Variants in VCAN observed in about 807,000 individuals in gnomAD.
VCAN encodes versican core protein.
In VCAN, 44 loss-of-function variants were observed where a neutral mutation model predicts 245.5. That is an observed-to-expected ratio of 0.18 (90% CI 0.14 to 0.23). The LOEUF (loss-of-function observed/expected upper bound fraction) is 0.23, where lower values mean the gene tolerates loss of function less well. Among genes scored for constraint, VCAN ranks in the 10% least tolerant of loss-of-function variants. The pLI, the probability that VCAN is intolerant of heterozygous loss-of-function variation, is 1.00. For synonymous variants in VCAN, 1,413 were observed against 1,437.0 expected, an observed-to-expected ratio of 0.98 and a Z score of 0.38; for missense variants, 3,793 against 4,057.9, an observed-to-expected ratio of 0.93 and a Z score of 1.77.
chr5:83,476,308 T>A (rs779829608), intron 1 of VCAN, among the ~76,000 whole-genome samples: 11 of 152,208 alleles, frequency 7.2e-5, no homozygotes, highest in African/African-American at 2.7e-4. Flanking sequence ...CAAACATCGG[T>A]AAACACTGTA....
At chr5:83,561,232 CAG>C (rs1454088723) in intron 12 of VCAN, among the ~76,000 whole-genome samples, 2 of 152,008 alleles carry the variant, frequency 1.3e-5, no homozygotes, top group East Asian at 1.9e-4. Flanking sequence ...TGGGAGAAAA[CAG>C]AGAGACTTTC....
chr5:83,482,156 G>T (rs1300947443), intron 1 of VCAN, among the ~76,000 whole-genome samples: 2 of 152,180 alleles, frequency 1.3e-5, no homozygotes, highest in Admixed American at 6.5e-5. Context: ...TGCCTTTGCT[G>T]ATTCTTTCTC....
At chr5:83,472,072 T>G (rs1744213100) in intron 1 of VCAN, 49 bp downstream of exon 1, 1 of 282,240 alleles carries the variant, frequency 3.5e-6, no homozygotes, top group Non-Finnish European at 6.5e-6. Context: ...AACAAAAAAC[T>G]TATAGAAAAA....
intron 3 of VCAN, among the ~76,000 whole-genome samples, chr5:83,491,545 G>C (rs1303118142): frequency 1.3e-5 from 2 of 151,692 alleles, no homozygotes; most frequent in Non-Finnish European, 2.9e-5. Context: ...CATTATTTTT[G>C]TTAGCCTCAC....
At position 83,522,140 on chromosome 5, in the gene VCAN, G is replaced by C; in HGVS notation, c.3834G>C (p.Glu1278Asp). 6.2e-7 allele frequency: 1 copy of C among 1,613,154 alleles called. No individual in the cohort carries two copies. The highest frequency in any genetic ancestry group is 8.5e-7 in the Non-Finnish European group (1 of 1,180,020). Reference sequence around the variant, plus strand: ...AAACAGAAACCGATATTGATAGAGAGTATTTCACGACTTCAAGTCCTCCTG... The same window carrying C: ...AAACAGAAACCGATATTGATAGAGACTATTTCACGACTTCAAGTCCTCCTG... ...AKETETDIDREYFTTSSPPAT... is the reference protein window; with the variant it reads ...AKETETDIDRDYFTTSSPPAT... The change falls in exon 7 of 15, where the codon GAG (glutamate) becomes GAC (aspartate). Residue 1278 changes from glutamate (E) to aspartate (D), a missense_variant. This residue lies in a region of VCAN where 3,182 missense variants were observed against 3,250.3 expected (regional missense o/e 0.98). Transcript: ENST00000265077.
At chr5:83,549,222 T>C (rs1747361130) in intron 10 of VCAN, among the ~76,000 whole-genome samples, 1 of 152,224 alleles carries the variant, frequency 6.6e-6, no homozygotes, top group African/African-American at 2.4e-5. Flanking sequence ...GTTTTTTCAA[T>C]GTGCATTTAC....
chr5:83,580,563 G>A lies in VCAN; in HGVS notation c.*129G>A. 7.2e-7 allele frequency: 1 copy of A among 1,398,250 alleles called. No individual in the cohort carries two copies. The highest frequency in any genetic ancestry group is 9.9e-7 in the Non-Finnish European group (1 of 1,010,008). 86.6% of individuals were successfully genotyped at this position (1,398,250 alleles called of 1,614,324 possible). A position where few individuals can be genotyped will look rare whatever the true frequency, so the allele number is the denominator to read the frequency against. On this transcript the variant is annotated 3_prime_UTR_variant, in exon 15 of 15. Coordinates refer to ENST00000265077, the MANE Select transcript of VCAN (RefSeq NM_004385.5). ...TTGGACCACCGTTCAGTCATTTTGG[G>A]TTGCCGTGCTCCCAAAACATTTTAA...
At chr5:83,575,569 T>C (rs182301505) in intron 13 of VCAN, among the ~76,000 whole-genome samples, 3 of 152,336 alleles carry the variant, frequency 2.0e-5, no homozygotes, top group Admixed American at 2.0e-4. Context: ...ACAGCAGAGC[T>C]ATTGACATTT....
At position 83,541,339 on chromosome 5, in the gene VCAN, A is replaced by G; in HGVS notation, c.8336A>G (p.Tyr2779Cys). 3 of 1,614,090 alleles carry G rather than the reference A, an allele frequency of 1.9e-6. No homozygotes were observed. Among genetic ancestry groups the G allele is most frequent in the Non-Finnish European group, 2.5e-6 (3 of 1,179,998 alleles). Residue 2779 changes from tyrosine to cysteine, a missense_variant, in exon 8 of 15, where the codon TAT becomes TGT. Around this residue, in one of 5 missense-constraint regions of VCAN, gnomAD observed 3,182 missense variants for 3,250.3 expected, o/e 0.98. Transcript: ENST00000265077. Reference protein sequence around the residue: ...AEEALVDHTPYLSIATTHLMD... With the variant: ...AEEALVDHTPCLSIATTHLMD... The stretch of plus-strand genomic sequence containing the variant: ...GAGGCATTAGTAGACCATACTCCCT[A>G]TCTAAGTATTGCTACTACCCACCTT...
intron 7 of VCAN, among the ~76,000 whole-genome samples, chr5:83,529,067 A>AT (rs1267973937): frequency 2.6e-5 from 4 of 151,730 alleles, no homozygotes; most frequent in African/African-American, 4.8e-5. Flanking sequence ...ATACAGATAT[A>AT]TTTTTTCTAA....
chr5:83,523,431 G>T (rs1335043805), intron 7 of VCAN, among the ~76,000 whole-genome samples: 2 of 146,626 alleles, frequency 1.4e-5, no homozygotes, highest in African/African-American at 2.5e-5. Flanking sequence ...TTTAAGCAGG[G>T]TTCTCTCTTA....
intron 10 of VCAN, 32 bp downstream of exon 10, chr5:83,548,116 C>A: frequency 6.4e-7 from 1 of 1,557,780 alleles, no homozygotes; most frequent in Non-Finnish European, 8.9e-7. Flanking sequence ...GTATGATGAA[C>A]ATTATTGATT....
In VCAN at chr5:83,490,483, T is replaced by C. The variant is rs1453914680; in HGVS notation, c.445+11T>C. On this transcript the variant is annotated intron_variant, in intron 3 of 14. Transcript: ENST00000265077. The stretch of plus-strand genomic sequence containing the variant: ...CACTGACTGTGGATGGTAAGGCTTT[T>C]ATTATCTGCAAGAAGGTAGTATAAC... 6.2e-7 allele frequency: 1 copy of C among 1,613,666 alleles called. No homozygotes were observed. Among genetic ancestry groups the C allele is most frequent in the Non-Finnish European group, 8.5e-7 (1 of 1,179,960 alleles).
intron 10 of VCAN, among the ~76,000 whole-genome samples, chr5:83,551,639 C>T (rs1477989768): frequency 2.6e-5 from 4 of 152,126 alleles, no homozygotes; most frequent in Non-Finnish European, 4.4e-5. Flanking sequence ...TTAAGATCCT[C>T]CATAATTTTA....
intron 12 of VCAN, among the ~76,000 whole-genome samples, chr5:83,571,523 T>A (rs1311640449): frequency 6.6e-6 from 1 of 152,078 alleles, no homozygotes; most frequent in Non-Finnish European, 1.5e-5. Flanking sequence ...CAAAAGATAT[T>A]TTCAATTGTA....
At position 83,521,292 on chromosome 5, in the gene VCAN, G is replaced by T. The variant is rs1408742628; in HGVS notation, c.2986G>T (p.Val996Phe). Residue 996 changes from valine to phenylalanine, a missense_variant, in exon 7 of 15, where the codon GTT (valine) becomes TTT (phenylalanine). Transcript: ENST00000265077. ...LVPSVPSEDE[V>F]LGEPSQDILV... is the part of the protein sequence containing the mutation. ...ACCTTCTGTTCCATCAGAAGATGAA[G>T]TTCTAGGTGAACCCTCTCAAGACAT... 1 of 1,614,048 alleles carries T rather than the reference G, an allele frequency of 6.2e-7. No individual in the cohort carries two copies. Among genetic ancestry groups the T allele is most frequent in the East Asian group, 2.2e-5 (1 of 44,878 alleles).
chr5:83,548,152 G>A, intron 10 of VCAN, 68 bp downstream of exon 10: 3 of 1,173,836 alleles, frequency 2.6e-6, no homozygotes, highest in African/African-American at 1.5e-5. Flanking sequence ...TGGCCTCAAT[G>A]CATAATCTTT....
chr5:83,486,975 C>T (rs908267953), intron 2 of VCAN, among the ~76,000 whole-genome samples: 4 of 152,152 alleles, frequency 2.6e-5, no homozygotes, highest in Admixed American at 1.3e-4. Flanking sequence ...CTGATGAGGT[C>T]AACGACTAAC....
chr5:83,479,053 A>AT (rs1744521536), intron 1 of VCAN, among the ~76,000 whole-genome samples: 1 of 152,136 alleles, frequency 6.6e-6, no homozygotes, highest in African/African-American at 2.4e-5. Flanking sequence ...ACATGATGCT[A>AT]TTACTTGTAT....
Sources: gnomAD v4.1 joint callset for allele counts (sites outside exome capture counted in the v4.1 genomes callset) on GRCh38, gnomAD v4.1.1 for gene constraint, gnomAD v4.1.1 regional missense constraint, MANE v1.5 for transcripts, NCBI Gene and HGNC (gene_info 2026-07-23, HGNC 2026-07-21) for gene names.